The following KIAA1217 variants were observed in gnomAD, a reference collection of about 807,000 sequenced individuals.
The protein encoded by KIAA1217 is sickle tail protein homolog.
A neutral mutation model predicts 163.9 loss-of-function variants in KIAA1217; 88 were observed. That is an observed-to-expected ratio of 0.54 (90% confidence interval 0.45 to 0.64). The LOEUF (loss-of-function observed/expected upper bound fraction) is 0.64, where lower values mean the gene tolerates loss of function less well. Among genes scored for constraint, KIAA1217 ranks in the 30% least tolerant of loss-of-function variants. The pLI, the probability that KIAA1217 is intolerant of heterozygous loss-of-function variation, is 0.00. For synonymous variants in KIAA1217, 903 were observed against 923.1 expected, an observed-to-expected ratio of 0.98 and a Z score of 0.39; for missense variants, 2,372 against 2,475.0, an observed-to-expected ratio of 0.96 and a Z score of 0.88.
At chr10:24,449,812 TCATG>T in intron 5 of KIAA1217, 1 of 902,012 alleles carries the variant, frequency 1.1e-6, no homozygotes, top group Non-Finnish European at 1.3e-6. Context: ...GAATCTTTTT[TCATG>T]CTCTGGCACG....
At chr10:24,120,025 T>C (rs1342679795) in intron 2 of KIAA1217, among the ~76,000 whole-genome samples, 1 of 152,242 alleles carries the variant, frequency 6.6e-6, no homozygotes, top group African/African-American at 2.4e-5. Context: ...ATTCTTTAGA[T>C]ACTGTCTGCC....
chr10:23,896,984 T>C (rs927074560), intron 1 of KIAA1217, among the ~76,000 whole-genome samples: 4 of 152,174 alleles, frequency 2.6e-5, no homozygotes, highest in African/African-American at 9.6e-5. Flanking sequence ...AAAACACTTG[T>C]GGTAAATCCA....
Position 24,543,540 on chromosome 10 carries a change from C to A in KIAA1217, c.4270C>A (p.Pro1424Thr). 6.2e-7 allele frequency: 1 copy of A among 1,614,048 alleles called. No homozygotes were observed. The change falls in exon 19 of 21, where the codon CCC becomes ACC. Residue 1424 changes from proline (P) to threonine (T), a missense_variant. Pro to Thr is a conservative substitution (Grantham distance 38). Coordinates refer to ENST00000376454, the MANE Select transcript of KIAA1217 (RefSeq NM_019590.5). ...VNIDARKEMT[P>T]RQEGTDNEDP... The stretch of plus-strand genomic sequence containing the variant: ...TATCGATGCCAGAAAAGAGATGACC[C>A]CCCGACAAGAAGGGACTGACAATGA...
intron 1 of KIAA1217, among the ~76,000 whole-genome samples, chr10:23,928,843 A>C (rs1171467248): frequency 1.3e-5 from 2 of 152,192 alleles, no homozygotes; most frequent in Admixed American, 6.5e-5. Context: ...AAAATTTAAA[A>C]AGGGCAAGGT....
chr10:24,041,162 T>C (rs1848613129), intron 2 of KIAA1217, among the ~76,000 whole-genome samples: 1 of 152,206 alleles, frequency 6.6e-6, no homozygotes, highest in African/African-American at 2.4e-5. Flanking sequence ...CCAGAACCTT[T>C]TTATAGTTCA....
chr10:23,834,107 T>C (rs564035593), intron 1 of KIAA1217, among the ~76,000 whole-genome samples: 35 of 152,318 alleles, frequency 2.3e-4, no homozygotes, highest in Non-Finnish European at 4.1e-4. Flanking sequence ...TAGTCTTATA[T>C]TTGTGTTTTG....
At chr10:24,417,338 G>A (rs1004894714) in intron 3 of KIAA1217, among the ~76,000 whole-genome samples, 6 of 152,070 alleles carry the variant, frequency 3.9e-5, no homozygotes, top group African/African-American at 1.4e-4. Context: ...AGTAGATCTG[G>A]GGAACAAAAA....
At chr10:24,369,296 G>A (rs932943318) in intron 2 of KIAA1217, among the ~76,000 whole-genome samples, 1 of 151,804 alleles carries the variant, frequency 6.6e-6, no homozygotes, top group Non-Finnish European at 1.5e-5. Flanking sequence ...GGGGGAATGT[G>A]TTTGAAATTA....
At chr10:24,157,661 C>CA (rs35503271) in intron 2 of KIAA1217, among the ~76,000 whole-genome samples, 2 of 151,596 alleles carry the variant, frequency 1.3e-5, no homozygotes, top group Admixed American at 6.6e-5. Context: ...AATTAGCACA[C>CA]AAAAAAAATT....
intron 3 of KIAA1217, among the ~76,000 whole-genome samples, chr10:24,423,071 A>G (rs986754985): frequency 5.3e-5 from 8 of 150,606 alleles, no homozygotes; most frequent in Admixed American, 4.6e-4. Context: ...CACCCAGCTA[A>G]TTTTGTTTTT....
chr10:23,841,827 C>CTTTATTTTATTTTATTTTATTTTAT (rs376133012), intron 1 of KIAA1217, among the ~76,000 whole-genome samples: 72 of 133,566 alleles, frequency 5.4e-4, no homozygotes, highest in African/African-American at 2.1e-3. Context: ...ACCATTGGGA[C>CTTTATTTTATTTTATTTTATTTTAT]TTTATTTTAT....
chr10:24,266,137 G>A (rs1035819009), intron 2 of KIAA1217, among the ~76,000 whole-genome samples: 2 of 150,472 alleles, frequency 1.3e-5, no homozygotes, highest in African/African-American at 4.9e-5. Context: ...GGAGTGCAGT[G>A]GTGCAATCTT....
intron 2 of KIAA1217, among the ~76,000 whole-genome samples, chr10:24,358,672 T>A (rs906987263): frequency 2.0e-5 from 3 of 152,246 alleles, no homozygotes; most frequent in African/African-American, 7.2e-5. Flanking sequence ...GTCAGGACAG[T>A]GGCCATACAC....
intron 2 of KIAA1217, among the ~76,000 whole-genome samples, chr10:24,147,358 A>T (rs946691574): frequency 6.6e-6 from 1 of 152,134 alleles, no homozygotes; most frequent in Non-Finnish European, 1.5e-5. Flanking sequence ...TTTTAAAGTG[A>T]TCTATATTGT....
intron 1 of KIAA1217, among the ~76,000 whole-genome samples, chr10:23,736,719 T>A (rs1447704049): frequency 6.6e-6 from 1 of 151,970 alleles, no homozygotes; most frequent in Non-Finnish European, 1.5e-5. Context: ...AGAGATGGAG[T>A]CTTGCTGTGT....
At chr10:24,185,268 G>A (rs552794750) in intron 2 of KIAA1217, among the ~76,000 whole-genome samples, 202 of 152,266 alleles carry the variant, frequency 1.3e-3, no homozygotes, top group Non-Finnish European at 2.2e-3. Flanking sequence ...AGTTGGGGTA[G>A]GTTACAGTTA....
intron 2 of KIAA1217, among the ~76,000 whole-genome samples, chr10:24,300,725 A>T (rs1044241728): frequency 6.6e-6 from 1 of 151,848 alleles, no homozygotes; most frequent in African/African-American, 2.4e-5. Flanking sequence ...GCACCACCAC[A>T]CCTGGCTAAT....
chr10:24,110,857 G>T (rs756852601), intron 2 of KIAA1217, among the ~76,000 whole-genome samples: 2 of 152,176 alleles, frequency 1.3e-5, no homozygotes, highest in African/African-American at 4.8e-5. Context: ...TCCTCAAAGT[G>T]CATATTAAAA....
At chr10:24,095,078 C>T (rs1366626210) in intron 2 of KIAA1217, among the ~76,000 whole-genome samples, 1 of 152,196 alleles carries the variant, frequency 6.6e-6, no homozygotes, top group Non-Finnish European at 1.5e-5. Context: ...GTTTCCTAAG[C>T]CCGTCGGAAA....
Sources: gnomAD v4.1 joint callset for allele counts (sites outside exome capture counted in the v4.1 genomes callset) on GRCh38, gnomAD v4.1.1 for gene constraint, MANE v1.5 for transcripts, NCBI Gene and HGNC (gene_info 2026-07-23, HGNC 2026-07-21) for gene names.